Variants in ZNF511 observed in about 807,000 individuals in gnomAD.
ZNF511 encodes the protein zinc finger protein 511.
In ZNF511, 26 loss-of-function variants were observed where a neutral mutation model predicts 24.8. The observed-to-expected ratio is 1.05, with a 90% CI of 0.77 to 1.46. The LOEUF (loss-of-function observed/expected upper bound fraction) is 1.46, where lower values mean the gene tolerates loss of function less well. Among genes scored for constraint, ZNF511 ranks in the 40% most tolerant of loss-of-function variants. The probability of loss-of-function intolerance (pLI) is 0.00; values close to 1 mark genes in which losing one functional copy is unlikely to be tolerated. For missense variants in ZNF511, 358 were observed against 345.0 expected (o/e 1.04, Z -0.30); for synonymous variants, 144 against 139.6 (o/e 1.03, Z -0.22).
In ZNF511 at chr10:133,308,940, G is replaced by A. The variant is rs907133614; in HGVS notation, c.-4G>A. The A allele has an allele frequency of 8.1e-7, 1 of 1,227,404 alleles. No homozygotes were observed. Among genetic ancestry groups the A allele is most frequent in the East Asian group, 3.3e-5 (1 of 30,436 alleles). The allele number at this position is 1,227,404 out of a possible 1,614,324, so 76.0% of individuals were successfully genotyped here. A position where few individuals can be genotyped will look rare whatever the true frequency, so the allele number is the denominator to read the frequency against. On this transcript the variant is annotated 5_prime_UTR_variant, in exon 1 of 6. Transcript: ENST00000361518. Reference sequence around the variant, plus strand: ...ACAGGCTGCGCCCGCCCGCGCCCGGGGTGATGCAGTTGCCCCCCGCGCTGT... The same window carrying A: ...ACAGGCTGCGCCCGCCCGCGCCCGGAGTGATGCAGTTGCCCCCCGCGCTGT...
intron 4 of ZNF511, 194 bp downstream of exon 4, chr10:133,310,482 G>A: frequency 1.5e-6 from 1 of 688,098 alleles, no homozygotes; most frequent in Non-Finnish European, 2.4e-6. Context: ...CCGAAGGGAG[G>A]CTGGAGGGGA....
chr10:133,313,076 AAGG>A lies in ZNF511; in HGVS notation c.*213_*215del, dbSNP rs902987760. 1 of 1,339,706 alleles carries A rather than the reference AAGG, an allele frequency of 7.5e-7. No homozygotes were observed. The highest frequency in any genetic ancestry group is 1.5e-5 in the African/African-American group (1 of 67,608). 83.0% of individuals were successfully genotyped at this position (1,339,706 alleles called of 1,614,324 possible). A position where few individuals can be genotyped will look rare whatever the true frequency, so the allele number is the denominator to read the frequency against. On this transcript the variant is annotated 3_prime_UTR_variant, in exon 6 of 6. Transcript: ENST00000361518. ...GAAACGACCTGGACACACTATTGGG[AAGG>A]AGATGTGGACGGCCTGTCTCCTCCT... is the stretch of plus-strand genomic sequence containing the variant.
At position 133,313,142 on chromosome 10, in the gene ZNF511, A is replaced by T; in HGVS notation, c.*276A>T. 1 of 639,160 alleles carries T rather than the reference A, an allele frequency of 1.6e-6. No individual in the cohort carries two copies. Among genetic ancestry groups the T allele is most frequent in the Non-Finnish European group, 2.4e-6 (1 of 417,778 alleles). The allele number at this position is 639,160 out of a possible 1,614,324, so 39.6% of individuals were successfully genotyped here. On this transcript the variant is annotated 3_prime_UTR_variant, in exon 6 of 6. Coordinates refer to ENST00000361518, the MANE Select transcript of ZNF511 (RefSeq NM_145806.4). ...CTAAGAATGTATTTTTAAACACATG[A>T]AATAAGTATTTTTCACTGATGGTCT...
At chr10:133,310,074 C>T (rs1847954196) in intron 3 of ZNF511, 90 bp from the exon 4 acceptor site, 1 of 1,609,348 alleles carries the variant, frequency 6.2e-7, no homozygotes. Flanking sequence ...AGGCCGGGGA[C>T]ACCTTTCCGC....
At chr10:133,311,653 T>G in intron 4 of ZNF511, 63 bp from the exon 5 acceptor site, 30 of 1,403,810 alleles carry the variant, frequency 2.1e-5, no homozygotes, top group Non-Finnish European at 3.0e-5. Flanking sequence ...CATGTTCATT[T>G]CTGGGGAACA....
intron 3 of ZNF511, 46 bp downstream of exon 3, chr10:133,310,023 T>G: frequency 1.2e-6 from 2 of 1,611,258 alleles, no homozygotes; most frequent in Non-Finnish European, 1.7e-6. Flanking sequence ...CCATTGGTGA[T>G]GGGCTCAGAG....
chr10:133,310,105 G>T, intron 3 of ZNF511, 59 bp from the exon 4 acceptor site: 1 of 1,612,068 alleles, frequency 6.2e-7, no homozygotes, highest in Non-Finnish European at 8.5e-7. Context: ...TCTGCTACGG[G>T]GGCATGGCGG....
At chr10:133,309,127 G>C (rs1847920535) in intron 1 of ZNF511, 31 bp downstream of exon 1, 5 of 1,361,330 alleles carry the variant, frequency 3.7e-6, no homozygotes, top group Non-Finnish European at 4.7e-6. Flanking sequence ...AAAAGTAGTT[G>C]TAGGATCCAG....
At chr10:133,311,399 CT>C (rs1453118497) in intron 4 of ZNF511, among the ~76,000 whole-genome samples, 1 of 152,176 alleles carries the variant, frequency 6.6e-6, no homozygotes, top group Non-Finnish European at 1.5e-5. Context: ...CTCTGGTTAA[CT>C]TTAGCAAATT....
chr10:133,311,753 C>G lies in ZNF511; in HGVS notation c.592C>G (p.Arg198Gly), dbSNP rs747203864. ...SAEAPGDSGE[R>G]SEGEAMEICS... ...AGAAGCCCCAGGGGACAGTGGAGAGCGGTCAGAAGGGGAGGCCATGGAAAT... is the reference window on the plus strand; with the variant it reads ...AGAAGCCCCAGGGGACAGTGGAGAGGGGTCAGAAGGGGAGGCCATGGAAAT... The change falls in exon 5 of 6, where the codon CGG becomes GGG. Residue 198 changes from arginine to glycine, a missense_variant. Arg to Gly is a moderately radical substitution (Grantham distance 125, BLOSUM62 -2). Coordinates refer to ENST00000361518, the MANE Select transcript of ZNF511 (RefSeq NM_145806.4). 6.2e-7 allele frequency: 1 copy of G among 1,613,696 alleles called. No individual in the cohort carries two copies. Among genetic ancestry groups the G allele is most frequent in the Non-Finnish European group, 8.5e-7 (1 of 1,180,032 alleles).
chr10:133,309,251 A>C (rs1847925910), intron 1 of ZNF511, 139 bp from the exon 2 acceptor site: 1 of 1,333,566 alleles, frequency 7.5e-7, no homozygotes, highest in African/African-American at 1.5e-5. Context: ...GCGGGGCCGG[A>C]ACGTGGAGTG....
rs760956687 is a variant in ZNF511, at chr10:133,309,460, C to A, written c.224C>A (p.Pro75His). The change falls in exon 2 of 6, where the codon CCC becomes CAC. Residue 75 changes from proline to histidine, a missense_variant. Transcript: ENST00000361518. ...CAGGTGGCCGACGTGCCTGAGAAGC[C>A]CAGGTAAGCGAATGGGCAGTGCCTA... ...IMQVADVPEKPRVPAFACQVA... is the reference protein window; with the variant it reads ...IMQVADVPEKHRVPAFACQVA... 4 of 1,612,162 alleles carry A rather than the reference C, an allele frequency of 2.5e-6. No homozygotes were observed. Among genetic ancestry groups the A allele is most frequent in the Non-Finnish European group, 1.7e-6 (2 of 1,179,582 alleles).
intron 5 of ZNF511, chr10:133,312,293 T>C: frequency 8.1e-7 from 1 of 1,232,790 alleles, no homozygotes; most frequent in Non-Finnish European, 1.0e-6. Context: ...TCTGCCTTTC[T>C]AGCGTCACCT....
At position 133,312,884 on chromosome 10, in the gene ZNF511, T is replaced by TG. The variant is rs1294837565; in HGVS notation, c.*24dup. On this transcript the variant is annotated 3_prime_UTR_variant, in exon 6 of 6. Transcript: ENST00000361518. Reference sequence around the variant, plus strand: ...AATGCTGATAGACTCAGAAAAGGAGTGGGGGGCAGTCACCACTGCTGGGCG... The same window carrying TG: ...AATGCTGATAGACTCAGAAAAGGAGTGGGGGGGCAGTCACCACTGCTGGGCG... 12 of 1,613,164 alleles carry TG rather than the reference T, an allele frequency of 7.4e-6. No individual in the cohort carries two copies. The East Asian group carries it at 2.0e-4, about 27-fold the overall frequency.
chr10:133,309,257 G>C (rs1847926184), intron 1 of ZNF511, 133 bp from the exon 2 acceptor site: 5 of 1,326,136 alleles, frequency 3.8e-6, no homozygotes, highest in African/African-American at 1.5e-5. Flanking sequence ...CCGGAACGTG[G>C]AGTGGGCGGG....
Position 133,312,776 on chromosome 10 carries a change from C to T in ZNF511, c.681-12C>T, listed in dbSNP as rs1848019837. The T allele has an allele frequency of 6.2e-7, 1 of 1,614,092 alleles. No homozygotes were observed. Among genetic ancestry groups the T allele is most frequent in the Admixed American group, 1.7e-5 (1 of 59,996 alleles). On this transcript the variant is annotated splice_polypyrimidine_tract_variant and intron_variant, in intron 5 of 5. Transcript: ENST00000361518. ...AAATACAGCATCTAATAGAAACTTT[C>T]TTCCATCCCAGAATACCCTCTACCA...
intron 4 of ZNF511, 137 bp from the exon 5 acceptor site, chr10:133,311,579 A>T (rs999067350): frequency 3.8e-5 from 28 of 738,340 alleles, no homozygotes; most frequent in Non-Finnish European, 5.9e-5. Flanking sequence ...CACACTATAA[A>T]ATCAGACTAT....
At chr10:133,311,987 A>T in intron 5 of ZNF511, 146 bp downstream of exon 5, 3 of 1,607,540 alleles carry the variant, frequency 1.9e-6, no homozygotes, top group Non-Finnish European at 2.5e-6. Context: ...CAGAGAAGAA[A>T]GTCCAGATAT....
chr10:133,313,159 T>G lies in ZNF511; in HGVS notation c.*293T>G, dbSNP rs935292406. On this transcript the variant is annotated 3_prime_UTR_variant, in exon 6 of 6. Transcript: ENST00000361518. The stretch of plus-strand genomic sequence containing the variant: ...AACACATGAAATAAGTATTTTTCAC[T>G]GATGGTCTTGAGTCTTCATTTCTGT... 1.9e-6 allele frequency: 1 copy of G among 520,372 alleles called. No homozygotes were observed. Among genetic ancestry groups the G allele is most frequent in the African/African-American group, 1.9e-5 (1 of 51,620 alleles). 32.2% of individuals were successfully genotyped at this position (520,372 alleles called of 1,614,324 possible).
Sources: gnomAD v4.1 joint callset for allele counts (sites outside exome capture counted in the v4.1 genomes callset) on GRCh38, gnomAD v4.1.1 for gene constraint, MANE v1.5 for transcripts, NCBI Gene and HGNC (gene_info 2026-07-23, HGNC 2026-07-21) for gene names.